Variants in CSMD1 observed in about 807,000 individuals in gnomAD.
CSMD1 encodes the protein CUB and Sushi multiple domains 1.
A neutral mutation model predicts 417.5 loss-of-function variants in CSMD1; 213 were observed. That is an observed-to-expected ratio of 0.51 (90% CI 0.46 to 0.57). The LOEUF (loss-of-function observed/expected upper bound fraction) is 0.57, where lower values mean the gene tolerates loss of function less well. Ranked by LOEUF, CSMD1 falls within the 20% of genes least tolerant of loss-of-function variation. The pLI is 0.00. For missense variants in CSMD1, 6,923 were observed against 4,529.7 expected (o/e 1.53, Z -15.17); for synonymous variants, 2,862 against 1,736.8 (o/e 1.65, Z -16.11).
At chr8:3,707,469 C>A (rs116956442) in intron 7 of CSMD1, among the ~76,000 whole-genome samples, 2 of 152,154 alleles carry the variant, frequency 1.3e-5, no homozygotes, top group African/African-American at 4.8e-5. Flanking sequence ...ATAGAAAACA[C>A]AACCCAATGG....
At position 4,940,091 on chromosome 8, in the gene CSMD1, G is replaced by A. The variant is rs369814671; in HGVS notation, c.85+54241C>T. 2.6e-5 allele frequency among the ~76,000 whole-genome samples: 4 copies of A among 152,278 alleles called. 1 individual carries two copies. Among genetic ancestry groups the A allele is most frequent in the African/African-American group, 9.6e-5 (4 of 41,578 alleles). On this transcript the variant is annotated intron_variant, in intron 1 of 69. Transcript: ENST00000635120. Reference sequence around the variant, plus strand: ...AGAACCGGGCAGAAAAGTTGCATGTGAACTACCGGGGGCTGCTGAGGAGGT... The same window carrying A: ...AGAACCGGGCAGAAAAGTTGCATGTAAACTACCGGGGGCTGCTGAGGAGGT...
chr8:3,220,586 A>G (rs1247399594), intron 28 of CSMD1, among the ~76,000 whole-genome samples: 1 of 152,204 alleles, frequency 6.6e-6, no homozygotes, highest in Non-Finnish European at 1.5e-5. Flanking sequence ...TAATCCCAGC[A>G]CTTTGGGAGG....
chr8:4,048,174 G>C (rs1028070069), intron 3 of CSMD1, among the ~76,000 whole-genome samples: 15 of 152,094 alleles, frequency 9.9e-5, no homozygotes, highest in African/African-American at 3.1e-4. Flanking sequence ...ACTTTGTTTT[G>C]GTTGTTGGTG....
At chr8:3,314,798 A>C (rs1033486784) in intron 23 of CSMD1, among the ~76,000 whole-genome samples, 1 of 152,194 alleles carries the variant, frequency 6.6e-6, no homozygotes, top group Non-Finnish European at 1.5e-5. Flanking sequence ...TTTAGCTTTC[A>C]AGTATTCGGA....
At chr8:4,115,162 GA>G (rs1433182364) in intron 3 of CSMD1, among the ~76,000 whole-genome samples, 1 of 152,260 alleles carries the variant, frequency 6.6e-6, no homozygotes, top group East Asian at 1.9e-4. Context: ...CTCATTTTAA[GA>G]AATTTTCACA....
At chr8:3,333,184 A>T (rs1335526735) in intron 23 of CSMD1, among the ~76,000 whole-genome samples, 3 of 152,094 alleles carry the variant, frequency 2.0e-5, no homozygotes, top group Admixed American at 1.3e-4. Flanking sequence ...CTCAGATGAG[A>T]CCACAGCCCA....
chr8:3,396,944 G>A (rs923622572), intron 16 of CSMD1, among the ~76,000 whole-genome samples: 1 of 151,968 alleles, frequency 6.6e-6, no homozygotes, highest in Non-Finnish European at 1.5e-5. Flanking sequence ...GAACAACCAT[G>A]GGTATGTTGC....
chr8:4,253,005 A>C (rs1803188582), intron 3 of CSMD1, among the ~76,000 whole-genome samples: 1 of 152,222 alleles, frequency 6.6e-6, no homozygotes, highest in Non-Finnish European at 1.5e-5. Flanking sequence ...CCAATGTCGG[A>C]TTATCGGTAC....
chr8:4,612,931 A>G (rs1460534161), intron 2 of CSMD1, among the ~76,000 whole-genome samples: 3 of 152,198 alleles, frequency 2.0e-5, no homozygotes, highest in Admixed American at 6.5e-5. Context: ...TGTACTAATT[A>G]TGGGAAGAGC....
At chr8:3,139,457 C>G (rs1473322277) in intron 41 of CSMD1, among the ~76,000 whole-genome samples, 1 of 152,120 alleles carries the variant, frequency 6.6e-6, no homozygotes, top group African/African-American at 2.4e-5. Flanking sequence ...CTGGATGTCA[C>G]CAGGAGACAT....
intron 50 of CSMD1, among the ~76,000 whole-genome samples, chr8:3,037,763 T>A (rs1418055903): frequency 1.3e-5 from 2 of 152,186 alleles, no homozygotes; most frequent in Non-Finnish European, 2.9e-5. Flanking sequence ...TTAATAGAGT[T>A]TTAAAGTTAA....
At chr8:4,526,593 G>A (rs533353316) in intron 2 of CSMD1, among the ~76,000 whole-genome samples, 38 of 152,340 alleles carry the variant, frequency 2.5e-4, no homozygotes, top group African/African-American at 8.7e-4. Context: ...GGTAAACACT[G>A]ATCATGTCTC....
At chr8:3,282,442 A>T (rs4588880) in intron 26 of CSMD1, among the ~76,000 whole-genome samples, 114,306 of 152,118 alleles carry the variant, frequency 0.75, 43,333 homozygotes, top group Admixed American at 0.84. Flanking sequence ...ACATAATCTC[A>T]TAACTTTCTC....
chr8:3,768,485 A>C (rs1288128695), intron 5 of CSMD1, among the ~76,000 whole-genome samples: 1 of 152,224 alleles, frequency 6.6e-6, no homozygotes, highest in South Asian at 2.1e-4. Context: ...GAAAATTTCT[A>C]GTTTATGCCA....
At chr8:4,403,645 A>G (rs1804812944) in intron 3 of CSMD1, among the ~76,000 whole-genome samples, 1 of 152,066 alleles carries the variant, frequency 6.6e-6, no homozygotes, top group Non-Finnish European at 1.5e-5. Flanking sequence ...GTCGGTGTTT[A>G]TTTGTTTTCA....
chr8:3,669,989 G>C (rs747846437), intron 7 of CSMD1, among the ~76,000 whole-genome samples: 1 of 152,108 alleles, frequency 6.6e-6, no homozygotes, highest in Admixed American at 6.6e-5. Flanking sequence ...GCTATCAGGT[G>C]CAATTGCATA....
chr8:3,895,523 G>A (rs942672827), intron 5 of CSMD1, among the ~76,000 whole-genome samples: 7 of 151,912 alleles, frequency 4.6e-5, no homozygotes, highest in Non-Finnish European at 1.0e-4. Flanking sequence ...TCTATCCTTA[G>A]GGAATAAATA....
intron 5 of CSMD1, among the ~76,000 whole-genome samples, chr8:3,985,644 C>G (rs559603250): frequency 6.6e-6 from 1 of 152,244 alleles, no homozygotes; most frequent in African/African-American, 2.4e-5. Flanking sequence ...CCGTTGCACT[C>G]ACAGAAGCTT....
chr8:4,392,021 T>A (rs1803881696), intron 3 of CSMD1, among the ~76,000 whole-genome samples: 1 of 150,292 alleles, frequency 6.7e-6, no homozygotes, highest in Non-Finnish European at 1.5e-5. Context: ...TGTGAGTGGG[T>A]AAGTGAGTCC....
Sources: gnomAD v4.1 joint callset for allele counts (sites outside exome capture counted in the v4.1 genomes callset) on GRCh38, gnomAD v4.1.1 for gene constraint, MANE v1.5 for transcripts, NCBI Gene and HGNC (gene_info 2026-07-23, HGNC 2026-07-21) for gene names.